Variants in PDE6C observed in about 807,000 individuals in gnomAD.
The protein encoded by PDE6C is cone cGMP-specific 3',5'-cyclic phosphodiesterase subunit alpha'.
In PDE6C, 75 loss-of-function variants were observed where a neutral mutation model predicts 113.1. The observed-to-expected ratio is 0.66, with a 90% CI of 0.55 to 0.80. The LOEUF is 0.80. Ranked by LOEUF, PDE6C falls within the 30% of genes least tolerant of loss-of-function variation. PDE6C has a pLI of 0.00. For synonymous variants in PDE6C, 375 were observed against 363.7 expected, an observed-to-expected ratio of 1.03 and a Z score of -0.35; for missense variants, 912 against 1,038.6, an observed-to-expected ratio of 0.88 and a Z score of 1.67.
chr10:93,627,281 A>AAAAT, intron 7 of PDE6C, among the ~76,000 whole-genome samples: 1 of 151,424 alleles, frequency 6.6e-6, no homozygotes, highest in African/African-American at 2.4e-5. Flanking sequence ...AAAAAAAAAA[A>AAAAT]AGCTAGATGA....
At chr10:93,628,493 G>A (rs1026899831) in intron 7 of PDE6C, among the ~76,000 whole-genome samples, 1 of 152,134 alleles carries the variant, frequency 6.6e-6, no homozygotes, top group African/African-American at 2.4e-5. Flanking sequence ...GCTGAGGCAG[G>A]AGAATTGTTT....
chr10:93,622,211 G>A lies in PDE6C; in HGVS notation c.864+139G>A, dbSNP rs977998362. The A allele has an allele frequency of 4.4e-6, 4 of 910,848 alleles. No individual in the cohort carries two copies. In the African/African-American group the frequency reaches 6.6e-5, roughly 15 times the overall value. 56.4% of individuals were successfully genotyped at this position (910,848 alleles called of 1,614,324 possible). On this transcript the variant is annotated intron_variant, in intron 4 of 21. Transcript: ENST00000371447. ...ATGACAAGAACAGAGGTAAAAGTGTGTGTCTTGGAGCAAAAAAGATGTAGG... is the reference window on the plus strand; with the variant it reads ...ATGACAAGAACAGAGGTAAAAGTGTATGTCTTGGAGCAAAAAAGATGTAGG...
chr10:93,646,053 T>G lies in PDE6C; in HGVS notation c.1935+6T>G, dbSNP rs1434459418. The G allele has an allele frequency of 6.7e-7, 1 of 1,503,754 alleles. No homozygotes were observed. Among genetic ancestry groups the G allele is most frequent in the East Asian group, 2.3e-5 (1 of 44,394 alleles). The allele number at this position is 1,503,754 out of a possible 1,614,324, so 93.2% of individuals were successfully genotyped here. On this transcript the variant is annotated splice_donor_region_variant and intron_variant, in intron 15 of 21. Coordinates refer to ENST00000371447, the MANE Select transcript of PDE6C (RefSeq NM_006204.4). ...AGACTCTGTTGCAGGATGAGGTACG[T>G]AAACCTCTCTTTAGGACAGCTAAAC... is the stretch of plus-strand genomic sequence containing the variant.
chr10:93,655,890 C>A, intron 16 of PDE6C, 30 bp downstream of exon 16: 1 of 1,074,718 alleles, frequency 9.3e-7, no homozygotes, highest in Non-Finnish European at 1.5e-6. Flanking sequence ...CAGTGGAATG[C>A]CCTATACTCT....
At chr10:93,639,669 T>C (rs912458127) in intron 11 of PDE6C, among the ~76,000 whole-genome samples, 1 of 152,180 alleles carries the variant, frequency 6.6e-6, no homozygotes, top group Non-Finnish European at 1.5e-5. Flanking sequence ...TTCAAGAGAA[T>C]TGAATTAAGC....
At chr10:93,636,422 G>T (rs2058531547) in intron 10 of PDE6C, among the ~76,000 whole-genome samples, 1 of 140,250 alleles carries the variant, frequency 7.1e-6, no homozygotes, top group Admixed American at 7.3e-5. Flanking sequence ...TTGCTGGAGT[G>T]GGTTGGTTTT....
At position 93,613,331 on chromosome 10, in the gene PDE6C, G is replaced by C. The variant is rs533745293; in HGVS notation, c.480+126G>C. On this transcript the variant is annotated intron_variant, in intron 1 of 21. Coordinates refer to ENST00000371447, the MANE Select transcript of PDE6C (RefSeq NM_006204.4). ...TAACCGGGGGAATGTGGGTGGCAGG[G>C]AAGAGGATCACCCAGGCCTAGTGTT... 2.0e-4 allele frequency: 262 copies of C among 1,339,026 alleles called. 1 individual carries two copies. The Middle Eastern group carries it at 3.0e-3, about 15-fold the overall frequency. 82.9% of individuals were successfully genotyped at this position (1,339,026 alleles called of 1,614,324 possible). A position where few individuals can be genotyped will look rare whatever the true frequency, so the allele number is the denominator to read the frequency against.
chr10:93,619,671 C>T (rs1215169732), intron 1 of PDE6C, among the ~76,000 whole-genome samples: 1 of 152,216 alleles, frequency 6.6e-6, no homozygotes, highest in Non-Finnish European at 1.5e-5. Flanking sequence ...GGTGATCCGC[C>T]TGCCTTGGCC....
chr10:93,657,586 A>C (rs1265810195), intron 16 of PDE6C, among the ~76,000 whole-genome samples: 2 of 152,116 alleles, frequency 1.3e-5, no homozygotes, highest in African/African-American at 2.4e-5. Context: ...AAGATTTATC[A>C]TTGATAATAA....
chr10:93,635,671 A>G (rs1231223665), intron 10 of PDE6C, 31 bp downstream of exon 10: 3 of 1,607,070 alleles, frequency 1.9e-6, no homozygotes. Flanking sequence ...TGTGGACATA[A>G]GATGTTACCT....
At chr10:93,623,221 G>A (rs78373791) in intron 4 of PDE6C, among the ~76,000 whole-genome samples, 3,092 of 152,286 alleles carry the variant, frequency 0.02, 126 homozygotes, top group African/African-American at 0.071. Context: ...GACATATGAT[G>A]TTGAGCATCT....
chr10:93,647,019 C>A (rs12261990), intron 15 of PDE6C, among the ~76,000 whole-genome samples: 4,545 of 152,250 alleles, frequency 0.03, 215 homozygotes, highest in African/African-American at 0.1. Context: ...AGCGGCTCAG[C>A]CCCTTGAATT....
At chr10:93,633,851 C>G (rs932713435) in intron 8 of PDE6C, among the ~76,000 whole-genome samples, 2 of 152,158 alleles carry the variant, frequency 1.3e-5, no homozygotes, top group African/African-American at 2.4e-5. Flanking sequence ...GTAAGAAGCA[C>G]TTCCCATCAC....
chr10:93,644,780 G>GTGTATATATA (rs1554890746), intron 14 of PDE6C, among the ~76,000 whole-genome samples: 5 of 142,974 alleles, frequency 3.5e-5, no homozygotes, highest in Non-Finnish European at 4.5e-5. Flanking sequence ...TGTGGTGCGT[G>GTGTATATATA]TATATATATA....
intron 16 of PDE6C, among the ~76,000 whole-genome samples, chr10:93,658,014 TAAAAAA>T (rs1554891841): frequency 1.1e-4 from 16 of 150,562 alleles, no homozygotes; most frequent in Non-Finnish European, 2.4e-4. Context: ...ACAAAAAAAT[TAAAAAA>T]TTAGCCAGGC....
chr10:93,621,377 C>T (rs1033703620), intron 3 of PDE6C, among the ~76,000 whole-genome samples: 1 of 152,184 alleles, frequency 6.6e-6, no homozygotes, highest in African/African-American at 2.4e-5. Flanking sequence ...CATATTATTC[C>T]TAACTCCATG....
chr10:93,636,566 G>C (rs1300550720), intron 10 of PDE6C, among the ~76,000 whole-genome samples: 19 of 151,810 alleles, frequency 1.3e-4, no homozygotes, highest in Admixed American at 1.2e-3. Context: ...ATAAATGTAA[G>C]CCACTCATTT....
intron 1 of PDE6C, among the ~76,000 whole-genome samples, chr10:93,615,846 T>A (rs1266483722): frequency 6.6e-6 from 1 of 152,168 alleles, no homozygotes; most frequent in African/African-American, 2.4e-5. Flanking sequence ...TTAGCCCAAC[T>A]CTGTCCTATG....
intron 3 of PDE6C, among the ~76,000 whole-genome samples, chr10:93,621,509 T>C (rs2058446224): frequency 6.6e-6 from 1 of 152,280 alleles, no homozygotes; most frequent in African/African-American, 2.4e-5. Context: ...TCCCTTCCCG[T>C]TTGAACTCTC....
Sources: allele counts gnomAD v4.1 joint callset (sites outside exome capture counted in the v4.1 genomes callset), GRCh38; gene constraint gnomAD v4.1.1; transcripts MANE v1.5; gene names NCBI Gene and HGNC (gene_info 2026-07-23, HGNC 2026-07-21).